The following KCNQ5 variants were observed in gnomAD, a reference collection of about 807,000 sequenced individuals.
KCNQ5 encodes the protein potassium voltage-gated channel subfamily KQT member 5.
KCNQ5 carries 30 observed loss-of-function variants against 98.2 expected under a neutral mutation model. That is an observed-to-expected ratio of 0.31 (90% confidence interval 0.23 to 0.41). KCNQ5 has a LOEUF of 0.41. KCNQ5 is among the 10% of genes least tolerant of loss of function. The probability of loss-of-function intolerance (pLI) is 1.00; values close to 1 mark genes in which losing one functional copy is unlikely to be tolerated. For missense variants in KCNQ5, 835 were observed against 1,182.5 expected, an observed-to-expected ratio of 0.71 and a Z score of 4.31; for synonymous variants, 458 against 449.4, an observed-to-expected ratio of 1.02 and a Z score of -0.24.
chr6:72,796,085 A>G (rs1348998446), intron 1 of KCNQ5, among the ~76,000 whole-genome samples: 1 of 152,184 alleles, frequency 6.6e-6, no homozygotes. Context: ...CACACTAAAT[A>G]GAGAAGTATT....
chr6:72,686,236 T>A (rs1767943938), intron 1 of KCNQ5, among the ~76,000 whole-genome samples: 1 of 152,228 alleles, frequency 6.6e-6, no homozygotes, highest in African/African-American at 2.4e-5. Flanking sequence ...GATTTGCTAT[T>A]GCTTCACATA....
intron 1 of KCNQ5, chr6:72,986,469 T>C: frequency 2.0e-6 from 1 of 490,578 alleles, no homozygotes. Flanking sequence ...CAATGATGAT[T>C]ACTTTGCCAA....
At position 73,193,185 on chromosome 6, in the gene KCNQ5, G is replaced by A. The variant is rs189097594; in HGVS notation, c.1836+494G>A. Among the ~76,000 whole-genome samples, 667 of 151,428 alleles carry A rather than the reference G, an allele frequency of 4.4e-3. 3 individuals carry two copies. Among genetic ancestry groups the A allele is most frequent in the African/African-American group, 0.015 (626 of 41,348 alleles). ...ACAGGCATGCGCCACCAAGACCGGC[G>A]AATTTTTGTATTTTTAGTAGAGACA... On this transcript the variant is annotated intron_variant, in intron 13 of 13. Transcript: ENST00000370398.
intron 1 of KCNQ5, among the ~76,000 whole-genome samples, chr6:72,668,109 T>C (rs186063145): frequency 7.7e-4 from 117 of 152,318 alleles, no homozygotes; most frequent in African/African-American, 2.7e-3. Flanking sequence ...TATGATTATA[T>C]AAGAAGTTGA....
chr6:73,023,202 G>T (rs957214432), intron 2 of KCNQ5, among the ~76,000 whole-genome samples: 13 of 152,180 alleles, frequency 8.5e-5, no homozygotes, highest in African/African-American at 3.1e-4. Context: ...CCATCAAGGG[G>T]TGGTGTTTGA....
intron 1 of KCNQ5, among the ~76,000 whole-genome samples, chr6:72,801,371 CA>C (rs1453428526): frequency 7.4e-6 from 1 of 134,666 alleles, no homozygotes; most frequent in Admixed American, 7.5e-5. Flanking sequence ...ATCCCTTTAC[CA>C]TTATGTAATG....
At chr6:72,986,385 G>C (rs1234775932) in intron 1 of KCNQ5, 4 of 433,942 alleles carry the variant, frequency 9.2e-6, no homozygotes, top group Admixed American at 6.8e-5. Flanking sequence ...AGCAGACCTG[G>C]GCCCTGGGCT....
intron 8 of KCNQ5, among the ~76,000 whole-genome samples, chr6:73,124,265 T>A (rs1035314723): frequency 6.6e-6 from 1 of 152,246 alleles, no homozygotes; most frequent in Non-Finnish European, 1.5e-5. Flanking sequence ...CAGTCTTGGC[T>A]TTGCCAAGTA....
chr6:72,838,341 T>C (rs138273516), intron 1 of KCNQ5, among the ~76,000 whole-genome samples: 56 of 152,020 alleles, frequency 3.7e-4, no homozygotes, highest in Middle Eastern at 3.4e-3. Flanking sequence ...CTGAAAAAAA[T>C]AATATTTTGT....
At chr6:73,049,112 C>T (rs116497912) in intron 3 of KCNQ5, among the ~76,000 whole-genome samples, 2,368 of 152,210 alleles carry the variant, frequency 0.016, 24 homozygotes, top group Non-Finnish European at 0.018. Context: ...CAGTTAAACC[C>T]CTGCACATGG....
intron 10 of KCNQ5, among the ~76,000 whole-genome samples, chr6:73,154,635 T>TGG (rs771438442): frequency 5.3e-5 from 8 of 152,198 alleles, no homozygotes; most frequent in Non-Finnish European, 7.3e-5. Flanking sequence ...GAATTTAAAG[T>TGG]GGGCTTACAG....
At chr6:72,728,935 G>A (rs569389725) in intron 1 of KCNQ5, among the ~76,000 whole-genome samples, 1 of 152,086 alleles carries the variant, frequency 6.6e-6, no homozygotes, top group Non-Finnish European at 1.5e-5. Flanking sequence ...GCATCAAAAA[G>A]TATGCAAATG....
At chr6:72,802,050 G>A (rs934585769) in intron 1 of KCNQ5, among the ~76,000 whole-genome samples, 74 of 152,076 alleles carry the variant, frequency 4.9e-4, no homozygotes, top group Admixed American at 1.4e-3. Context: ...CTCTCTGGCT[G>A]TCCTTAACAT....
chr6:73,192,230 C>A (rs1271350142), intron 12 of KCNQ5, among the ~76,000 whole-genome samples: 1 of 152,162 alleles, frequency 6.6e-6, no homozygotes, highest in African/African-American at 2.4e-5. Flanking sequence ...AATGTAAGAT[C>A]TCTATAGTTA....
At chr6:72,899,323 A>G (rs1779384019) in intron 1 of KCNQ5, among the ~76,000 whole-genome samples, 1 of 152,140 alleles carries the variant, frequency 6.6e-6, no homozygotes, top group African/African-American at 2.4e-5. Context: ...CCCAGCAACC[A>G]TCATCCTTTC....
At chr6:72,921,052 A>T (rs188191811) in intron 1 of KCNQ5, among the ~76,000 whole-genome samples, 25 of 152,352 alleles carry the variant, frequency 1.6e-4, no homozygotes, top group Admixed American at 9.8e-4. Flanking sequence ...GCCCTGCCAG[A>T]AAGGGGCTTA....
Position 72,729,602 on chromosome 6 carries a change from C to G in KCNQ5, c.398+107015C>G, listed in dbSNP as rs534458058. Among the ~76,000 whole-genome samples the G allele has an allele frequency of 5.9e-5, 9 of 152,296 alleles. No homozygotes were observed. The South Asian group carries it at 1.0e-3, about 18-fold the overall frequency. On this transcript the variant is annotated intron_variant, in intron 1 of 13. Coordinates refer to ENST00000370398, the MANE Select transcript of KCNQ5 (RefSeq NM_019842.4). ...GAGTTTTTAATTTTAAAAGAAACTACTGAATTGCCTTCAGTAGAATTTCTA... is the reference window on the plus strand; with the variant it reads ...GAGTTTTTAATTTTAAAAGAAACTAGTGAATTGCCTTCAGTAGAATTTCTA...
intron 1 of KCNQ5, among the ~76,000 whole-genome samples, chr6:72,972,225 CT>C (rs939713556): frequency 1.3e-5 from 2 of 152,162 alleles, no homozygotes. Flanking sequence ...CAGAATCTCC[CT>C]TTCAGAAATC....
intron 1 of KCNQ5, among the ~76,000 whole-genome samples, chr6:72,938,667 G>A (rs892899931): frequency 2.0e-5 from 3 of 152,044 alleles, no homozygotes; most frequent in African/African-American, 2.4e-5. Flanking sequence ...TTACAGGCAC[G>A]AGTCACCACG....
Sources: gnomAD v4.1 joint callset for allele counts (sites outside exome capture counted in the v4.1 genomes callset) on GRCh38, gnomAD v4.1.1 for gene constraint, MANE v1.5 for transcripts, NCBI Gene and HGNC (gene_info 2026-07-23, HGNC 2026-07-21) for gene names.